Variants in CBLB observed in about 807,000 individuals in gnomAD.
CBLB encodes the protein Cbl proto-oncogene B.
In CBLB, 31 loss-of-function variants were observed where a neutral mutation model predicts 104.9. The ratio of observed to expected loss-of-function variants is 0.30; its 90% CI spans 0.22 to 0.40. The LOEUF (loss-of-function observed/expected upper bound fraction) is 0.40, where lower values mean the gene tolerates loss of function less well. Among genes scored for constraint, CBLB ranks in the 10% least tolerant of loss-of-function variants. The probability of loss-of-function intolerance (pLI) is 1.00; values close to 1 mark genes in which losing one functional copy is unlikely to be tolerated. For synonymous variants in CBLB, 440 were observed against 422.6 expected (o/e 1.04, Z -0.51); for missense variants, 1,062 against 1,214.6 (o/e 0.87, Z 1.87).
At chr3:105,833,686 A>C (rs987414729) in intron 3 of CBLB, among the ~76,000 whole-genome samples, 55 of 150,112 alleles carry the variant, frequency 3.7e-4, no homozygotes, top group African/African-American at 1.4e-3. Context: ...GAATAATTTT[A>C]TTATTAATGG....
intron 2 of CBLB, among the ~76,000 whole-genome samples, chr3:105,859,109 A>G (rs2091879781): frequency 6.6e-6 from 1 of 152,210 alleles, no homozygotes; most frequent in South Asian, 2.1e-4. Context: ...GCCTTAATTA[A>G]AACTTCCAGC....
chr3:105,741,528 TG>T (rs2075580239), intron 6 of CBLB, among the ~76,000 whole-genome samples: 1 of 152,260 alleles, frequency 6.6e-6, no homozygotes, highest in African/African-American at 2.4e-5. Flanking sequence ...CCCGAGTAGC[TG>T]GGACCACAGG....
chr3:105,854,614 G>A (rs907643407), intron 2 of CBLB, among the ~76,000 whole-genome samples: 2 of 143,080 alleles, frequency 1.4e-5, no homozygotes, highest in African/African-American at 5.2e-5. Context: ...TTGTCAAATT[G>A]TCAAGAGTAT....
chr3:105,708,013 G>A (rs2070458438), intron 10 of CBLB, among the ~76,000 whole-genome samples: 1 of 151,896 alleles, frequency 6.6e-6, no homozygotes, highest in Admixed American at 6.6e-5. Flanking sequence ...CCCTGTACAG[G>A]TAATCACCAG....
At chr3:105,718,061 C>T (rs1364568966) in intron 10 of CBLB, among the ~76,000 whole-genome samples, 1 of 152,078 alleles carries the variant, frequency 6.6e-6, no homozygotes. Flanking sequence ...GTGCTTTATT[C>T]CACGTCTTCC....
chr3:105,720,025 A>T (rs1254691693), intron 10 of CBLB, 22 bp downstream of exon 10: 1 of 1,558,130 alleles, frequency 6.4e-7, no homozygotes. Flanking sequence ...CACCTTAACT[A>T]AACCCATGTT....
At chr3:105,868,262 G>A in intron 1 of CBLB, 5 of 1,227,454 alleles carry the variant, frequency 4.1e-6, no homozygotes, top group Non-Finnish European at 5.1e-6. Context: ...AGAGAAAAAT[G>A]ACAAGAGCGG....
intron 2 of CBLB, among the ~76,000 whole-genome samples, chr3:105,865,638 C>A (rs1036348410): frequency 6.6e-6 from 1 of 152,142 alleles, no homozygotes; most frequent in Non-Finnish European, 1.5e-5. Context: ...CAGTTACAGA[C>A]CAAAATTGTG....
intron 5 of CBLB, among the ~76,000 whole-genome samples, chr3:105,750,772 G>A (rs1010521517): frequency 6.6e-6 from 1 of 152,034 alleles, no homozygotes; most frequent in Non-Finnish European, 1.5e-5. Context: ...TAATTTAAAG[G>A]GAAAAACAAT....
chr3:105,674,616 C>T (rs1022733244), intron 17 of CBLB, among the ~76,000 whole-genome samples: 1 of 152,168 alleles, frequency 6.6e-6, no homozygotes, highest in Non-Finnish European at 1.5e-5. Context: ...TTTCTTGAGC[C>T]CTGACCTGGC....
At chr3:105,682,376 C>G (rs1470784984) in intron 14 of CBLB, among the ~76,000 whole-genome samples, 1 of 152,108 alleles carries the variant, frequency 6.6e-6, no homozygotes, top group East Asian at 1.9e-4. Context: ...TTCACCACTG[C>G]CAAGAACAAA....
intron 3 of CBLB, among the ~76,000 whole-genome samples, chr3:105,796,187 C>G (rs1577269275): frequency 6.6e-6 from 1 of 152,302 alleles, no homozygotes; most frequent in East Asian, 1.9e-4. Flanking sequence ...TACCTGACTT[C>G]AAACTATATT....
At chr3:105,714,812 T>C (rs1267412447) in intron 10 of CBLB, among the ~76,000 whole-genome samples, 1 of 152,214 alleles carries the variant, frequency 6.6e-6, no homozygotes, top group African/African-American at 2.4e-5. Context: ...ACATGTTACA[T>C]TTCTAATTAG....
intron 12 of CBLB, among the ~76,000 whole-genome samples, chr3:105,700,602 T>C (rs1464621561): frequency 6.6e-6 from 1 of 152,226 alleles, no homozygotes; most frequent in Non-Finnish European, 1.5e-5. Flanking sequence ...ATTGGTTTTA[T>C]TAGTATGTTC....
chr3:105,657,948 A>T lies in CBLB; in HGVS notation c.*1022T>A, dbSNP rs1238534857. The T allele has an allele frequency of 4.7e-6, 1 of 211,578 alleles. No homozygotes were observed. The highest frequency in any genetic ancestry group is 2.3e-5 in the African/African-American group (1 of 44,214). 13.1% of individuals were successfully genotyped at this position (211,578 alleles called of 1,614,324 possible). A position where few individuals can be genotyped will look rare whatever the true frequency, so the allele number is the denominator to read the frequency against. On this transcript the variant is annotated 3_prime_UTR_variant, in exon 19 of 19. Coordinates refer to ENST00000394030, the MANE Select transcript of CBLB (RefSeq NM_170662.5). ...CTTAGGAGATAGAGTGTAATCACTT[A>T]AATGGGAAATGAACTCTAATTCCAC...
At position 105,846,904 on chromosome 3, in the gene CBLB, G is replaced by A. The variant is rs2090325136; in HGVS notation, c.419+6510C>T. On this transcript the variant is annotated intron_variant, in intron 3 of 18. Coordinates refer to ENST00000394030, the MANE Select transcript of CBLB (RefSeq NM_170662.5). Reference sequence around the variant, plus strand: ...GTAAACTGAAAACCTGTGAGGACTTGCAAAACTATTTCAATGACCATGCTA... The same window carrying A: ...GTAAACTGAAAACCTGTGAGGACTTACAAAACTATTTCAATGACCATGCTA... Among the ~76,000 whole-genome samples the A allele has an allele frequency of 2.0e-5, 3 of 152,084 alleles. No individual in the cohort carries two copies. In the South Asian group the frequency reaches 6.2e-4, roughly 32 times the overall value.
rs1189736484 is a variant in CBLB, at chr3:105,768,385, G to C, written c.566+8011C>G. Among the ~76,000 whole-genome samples, 5 of 152,160 alleles carry C rather than the reference G, an allele frequency of 3.3e-5. No individual in the cohort carries two copies. The East Asian group carries it at 9.6e-4, about 29-fold the overall frequency. On this transcript the variant is annotated intron_variant, in intron 4 of 18. Coordinates refer to ENST00000394030, the MANE Select transcript of CBLB (RefSeq NM_170662.5). ...CTATAATTGCTGATGTGTCCAGAAAGAGCCAAATAAGCCAATTTGACTGAA... is the reference window on the plus strand; with the variant it reads ...CTATAATTGCTGATGTGTCCAGAAACAGCCAAATAAGCCAATTTGACTGAA...
intron 4 of CBLB, among the ~76,000 whole-genome samples, chr3:105,764,158 A>G (rs1275075640): frequency 6.6e-6 from 1 of 152,220 alleles, no homozygotes; most frequent in Non-Finnish European, 1.5e-5. Context: ...AGCAGAGAAG[A>G]GAACAAATGT....
At chr3:105,754,446 T>A (rs2076859551) in intron 4 of CBLB, among the ~76,000 whole-genome samples, 1 of 144,262 alleles carries the variant, frequency 6.9e-6, no homozygotes, top group African/African-American at 2.6e-5. Context: ...GTTTTACAAA[T>A]GTAGAAATTT....
Sources: gnomAD v4.1 joint callset for allele counts (sites outside exome capture counted in the v4.1 genomes callset) on GRCh38, gnomAD v4.1.1 for gene constraint, MANE v1.5 for transcripts, NCBI Gene and HGNC (gene_info 2026-07-23, HGNC 2026-07-21) for gene names.